TMEM117: variants seen among roughly 807,000 people sequenced by gnomAD.
The protein encoded by TMEM117 is transmembrane protein 117.
A neutral mutation model predicts 52.4 loss-of-function variants in TMEM117; 27 were observed. That is an observed-to-expected ratio of 0.51 (90% CI 0.38 to 0.71). The LOEUF (loss-of-function observed/expected upper bound fraction) is 0.71, where lower values mean the gene tolerates loss of function less well. TMEM117 is among the 30% of genes least tolerant of loss of function. The pLI is 0.00. For synonymous variants in TMEM117, 215 were observed against 206.3 expected (o/e 1.04, Z -0.36); for missense variants, 556 against 630.5 (o/e 0.88, Z 1.26).
intron 3 of TMEM117, among the ~76,000 whole-genome samples, chr12:44,065,100 A>T (rs1482540573): frequency 6.6e-6 from 1 of 152,182 alleles, no homozygotes; most frequent in African/African-American, 2.4e-5. Context: ...ATAATAGTAA[A>T]CTGGCTGGGC....
chr12:44,303,028 A>G (rs1400612595), intron 6 of TMEM117, among the ~76,000 whole-genome samples: 13 of 152,064 alleles, frequency 8.5e-5, no homozygotes, highest in Non-Finnish European at 1.8e-4. Flanking sequence ...TTCCACTTAT[A>G]CTATAGAAAG....
intron 3 of TMEM117, among the ~76,000 whole-genome samples, chr12:44,006,753 G>A (rs937509027): frequency 3.3e-5 from 5 of 151,450 alleles, no homozygotes; most frequent in Admixed American, 3.3e-4. Context: ...ATTTTTTTTT[G>A]TTTATAAAAT....
chr12:43,861,585 G>A (rs1240855321), intron 2 of TMEM117, among the ~76,000 whole-genome samples: 1 of 152,212 alleles, frequency 6.6e-6, no homozygotes, highest in Non-Finnish European at 1.5e-5. Context: ...GAATATGAAA[G>A]AAGAATATTT....
chr12:43,917,067 A>T (rs1944616272), intron 2 of TMEM117, among the ~76,000 whole-genome samples: 1 of 151,124 alleles, frequency 6.6e-6, no homozygotes, highest in Non-Finnish European at 1.5e-5. Context: ...ACATGCAGAG[A>T]TCAAATCTGA....
chr12:43,938,893 G>A (rs548889599), intron 2 of TMEM117, among the ~76,000 whole-genome samples: 4 of 152,080 alleles, frequency 2.6e-5, no homozygotes, highest in Admixed American at 6.5e-5. Flanking sequence ...CCAGCTACTC[G>A]GGAGGCTGAG....
intron 3 of TMEM117, among the ~76,000 whole-genome samples, chr12:44,036,491 A>G (rs1421975069): frequency 6.6e-6 from 1 of 152,186 alleles, no homozygotes; most frequent in Non-Finnish European, 1.5e-5. Context: ...TTGATATCAT[A>G]CTCATACACT....
chr12:44,348,932 G>T (rs1192533215), intron 6 of TMEM117, among the ~76,000 whole-genome samples: 3 of 151,978 alleles, frequency 2.0e-5, no homozygotes, highest in Non-Finnish European at 4.4e-5. Context: ...GATTGTCAGA[G>T]AGATGATTCC....
At chr12:44,301,518 T>C (rs1950839595) in intron 6 of TMEM117, among the ~76,000 whole-genome samples, 1 of 152,166 alleles carries the variant, frequency 6.6e-6, no homozygotes, top group Non-Finnish European at 1.5e-5. Flanking sequence ...CCATTTTGGC[T>C]ACAAGTAGCA....
chr12:44,046,263 A>G (rs1206285694), intron 3 of TMEM117, among the ~76,000 whole-genome samples: 4 of 152,316 alleles, frequency 2.6e-5, no homozygotes, highest in African/African-American at 7.2e-5. Context: ...CAATTCCATT[A>G]AACTGCAAGT....
intron 3 of TMEM117, among the ~76,000 whole-genome samples, chr12:44,000,988 C>T (rs1368388594): frequency 1.3e-5 from 2 of 152,134 alleles, no homozygotes; most frequent in Non-Finnish European, 2.9e-5. Context: ...GACTGATGTG[C>T]AAGGGCCCAG....
chr12:44,241,958 C>A, intron 5 of TMEM117, among the ~76,000 whole-genome samples: 1 of 151,912 alleles, frequency 6.6e-6, no homozygotes, highest in African/African-American at 2.4e-5. Context: ...CTTGGCTATT[C>A]TTCTCTTTCC....
chr12:44,325,157 G>C (rs1164089851), intron 6 of TMEM117, among the ~76,000 whole-genome samples: 1 of 152,178 alleles, frequency 6.6e-6, no homozygotes, highest in African/African-American at 2.4e-5. Context: ...CTAGTTCAAT[G>C]ATTCTTTTAA....
At chr12:44,348,428 T>C (rs1951519605) in intron 6 of TMEM117, among the ~76,000 whole-genome samples, 1 of 151,798 alleles carries the variant, frequency 6.6e-6, no homozygotes, top group Non-Finnish European at 1.5e-5. Context: ...AAGGTACCAA[T>C]ACCCCCTTTT....
chr12:44,317,706 G>C (rs1951075453), intron 6 of TMEM117, among the ~76,000 whole-genome samples: 1 of 152,204 alleles, frequency 6.6e-6, no homozygotes, highest in Admixed American at 6.5e-5. Context: ...ATGTTGGACT[G>C]TGTGGTTCTA....
intron 5 of TMEM117, among the ~76,000 whole-genome samples, chr12:44,226,541 T>A (rs1199743918): frequency 7.0e-6 from 1 of 142,532 alleles, no homozygotes; most frequent in Non-Finnish European, 1.5e-5. Context: ...ATAATATACA[T>A]GTTGTTATGG....
intron 6 of TMEM117, among the ~76,000 whole-genome samples, chr12:44,369,692 G>T (rs527788151): frequency 6.6e-6 from 1 of 152,030 alleles, no homozygotes; most frequent in Non-Finnish European, 1.5e-5. Context: ...TTCAAATAAG[G>T]GTTTACAGTT....
At chr12:44,095,701 A>C (rs1217119986) in intron 3 of TMEM117, among the ~76,000 whole-genome samples, 1 of 152,088 alleles carries the variant, frequency 6.6e-6, no homozygotes, top group Non-Finnish European at 1.5e-5. Flanking sequence ...TCATGACTCA[A>C]AGATACAATA....
the TMEM117 span, chr12:43,806,290 C>T: frequency 5.6e-6 from 8 of 1,441,400 alleles, no homozygotes; most frequent in Non-Finnish European, 6.4e-6. Context: ...GTGCAGCCAG[C>T]GGCCCCGGCC....
At chr12:44,345,861 T>C (rs1050494158) in intron 6 of TMEM117, among the ~76,000 whole-genome samples, 1 of 152,110 alleles carries the variant, frequency 6.6e-6, no homozygotes, top group Admixed American at 6.6e-5. Flanking sequence ...CAGGGTTCTG[T>C]AAATAGGATT....
Sources: allele counts gnomAD v4.1 joint callset (sites outside exome capture counted in the v4.1 genomes callset), GRCh38; gene constraint gnomAD v4.1.1; transcripts MANE v1.5; gene names NCBI Gene and HGNC (gene_info 2026-07-23, HGNC 2026-07-21).